The following FHIT variants were observed in gnomAD, a reference collection of about 807,000 sequenced individuals.
FHIT encodes bis(5'-adenosyl)-triphosphatase.
In FHIT, 19 loss-of-function variants were observed where a neutral mutation model predicts 17.9. The observed-to-expected ratio is 1.06, with a 90% CI of 0.74 to 1.56. The LOEUF (loss-of-function observed/expected upper bound fraction) is 1.56. Ranked by LOEUF, FHIT falls within the 40% of genes most tolerant of loss-of-function variation. FHIT has a pLI of 0.00. For missense variants in FHIT, 248 were observed against 189.2 expected (o/e 1.31, Z -1.82); for synonymous variants, 81 against 69.7 (o/e 1.16, Z -0.81).
At chr3:59,796,415 T>A (rs562793535) in intron 8 of FHIT, among the ~76,000 whole-genome samples, 4 of 152,090 alleles carry the variant, frequency 2.6e-5, no homozygotes, top group Non-Finnish European at 4.4e-5. Flanking sequence ...TGTTTCCAGG[T>A]TTTTCATGTA....
chr3:60,306,367 T>A (rs1243223637), intron 5 of FHIT, among the ~76,000 whole-genome samples: 1 of 152,122 alleles, frequency 6.6e-6, no homozygotes, highest in Non-Finnish European at 1.5e-5. Flanking sequence ...TTGAGGAAAC[T>A]AAAGGTAAAA....
At chr3:60,776,258 C>T (rs1182291140) in intron 4 of FHIT, among the ~76,000 whole-genome samples, 1 of 152,118 alleles carries the variant, frequency 6.6e-6, no homozygotes, top group African/African-American at 2.4e-5. Context: ...TCTTAAAGGG[C>T]CCCACCCAGC....
At chr3:60,699,597 C>T (rs766938217) in intron 4 of FHIT, among the ~76,000 whole-genome samples, 9 of 145,410 alleles carry the variant, frequency 6.2e-5, no homozygotes, top group Non-Finnish European at 1.3e-4. Flanking sequence ...AAAGCATTAT[C>T]GTTAGTGGGT....
At chr3:60,673,202 A>C (rs2107846233) in intron 4 of FHIT, among the ~76,000 whole-genome samples, 1 of 152,168 alleles carries the variant, frequency 6.6e-6, no homozygotes, top group East Asian at 1.9e-4. Context: ...CCTTCCTGTT[A>C]ATCTGTTTCC....
chr3:60,876,719 A>T (rs1553756612), intron 3 of FHIT, among the ~76,000 whole-genome samples: 1 of 152,194 alleles, frequency 6.6e-6, no homozygotes, highest in African/African-American at 2.4e-5. Context: ...AGTTTAGGGG[A>T]GCAACATCAG....
Position 60,011,405 on chromosome 3 carries a change from A to G in FHIT, c.250-5T>C. On this transcript the variant is annotated splice_polypyrimidine_tract_variant and splice_region_variant and intron_variant, in intron 6 of 9. Coordinates refer to ENST00000492590, the MANE Select transcript of FHIT (RefSeq NM_002012.4). Reference sequence around the variant, plus strand: ...CTGTCCGGCTTCGGGGCCATCCTAGAAGTAGGAAAAAACCAACAGAGGTGA... The same window carrying G: ...CTGTCCGGCTTCGGGGCCATCCTAGGAGTAGGAAAAAACCAACAGAGGTGA... 6.2e-7 allele frequency: 1 copy of G among 1,613,328 alleles called. No individual in the cohort carries two copies. Among genetic ancestry groups the G allele is most frequent in the African/African-American group, 1.3e-5 (1 of 75,030 alleles).
At chr3:61,209,181 G>T (rs1175819563) in intron 1 of FHIT, among the ~76,000 whole-genome samples, 2 of 152,292 alleles carry the variant, frequency 1.3e-5, no homozygotes, top group Non-Finnish European at 2.9e-5. Flanking sequence ...TCTGCCGAGA[G>T]ATCCGCTGTT....
At chr3:60,502,121 G>T (rs1234540627) in intron 5 of FHIT, among the ~76,000 whole-genome samples, 1 of 152,194 alleles carries the variant, frequency 6.6e-6, no homozygotes, top group Non-Finnish European at 1.5e-5. Flanking sequence ...AGTACAAAAA[G>T]TGATAGTAGT....
intron 7 of FHIT, among the ~76,000 whole-genome samples, chr3:59,947,192 T>C (rs1194899739): frequency 6.6e-6 from 1 of 152,218 alleles, no homozygotes; most frequent in African/African-American, 2.4e-5. Context: ...ATTTTGGAAA[T>C]GTTATTGGTC....
chr3:60,912,649 C>G (rs892120725), intron 3 of FHIT: 1 of 398,004 alleles, frequency 2.5e-6, no homozygotes, highest in Non-Finnish European at 4.8e-6. Flanking sequence ...AGTTAATCAT[C>G]AGAGATAACT....
chr3:60,159,423 T>C (rs185057737), intron 5 of FHIT, among the ~76,000 whole-genome samples: 3 of 152,304 alleles, frequency 2.0e-5, no homozygotes, highest in East Asian at 1.9e-4. Context: ...GCCCAGCCGA[T>C]GTGTGTTTTT....
rs576140955 is a variant in FHIT at position 60,815,441 on chromosome 3, A to G, written c.-18+6478T>C. On this transcript the variant is annotated intron_variant, in intron 4 of 9. Coordinates refer to ENST00000492590, the MANE Select transcript of FHIT (RefSeq NM_002012.4). ...TGGTGAAATGTAGGGGTCCAGTTTC[A>G]TTCTTCTGTATATGGCTAGCCAGTT... Among the ~76,000 whole-genome samples, 13 of 152,226 alleles carry G rather than the reference A, an allele frequency of 8.5e-5. 1 individual carries two copies. In the East Asian group the frequency reaches 2.5e-3, roughly 29 times the overall value.
rs368662201 is a variant in FHIT at position 60,782,836 on chromosome 3, C to T, written c.-18+39083G>A. Among the ~76,000 whole-genome samples the T allele has an allele frequency of 3.9e-5, 6 of 152,232 alleles. No individual in the cohort carries two copies. In the South Asian group the frequency reaches 8.3e-4, roughly 21 times the overall value. On this transcript the variant is annotated intron_variant, in intron 4 of 9. Transcript: ENST00000492590. ...CATTGTTTCTGTATCCTCACGTGGA[C>T]GAAGGCAGAAGGGTAAACAGGCATA... is the stretch of plus-strand genomic sequence containing the variant.
intron 5 of FHIT, among the ~76,000 whole-genome samples, chr3:60,284,368 T>A (rs1707615078): frequency 1.3e-5 from 2 of 152,080 alleles, no homozygotes; most frequent in Admixed American, 6.6e-5. Flanking sequence ...CTGAACACAG[T>A]TCCAAACATA....
At chr3:59,849,493 A>G (rs923124617) in intron 8 of FHIT, among the ~76,000 whole-genome samples, 1 of 152,190 alleles carries the variant, frequency 6.6e-6, no homozygotes, top group African/African-American at 2.4e-5. Context: ...CAAGACTTCA[A>G]TCCGATTGGT....
chr3:61,169,959 T>TA (rs1338271406), intron 2 of FHIT, among the ~76,000 whole-genome samples: 1 of 152,106 alleles, frequency 6.6e-6, no homozygotes, highest in Admixed American at 6.6e-5. Flanking sequence ...GCCAATGACT[T>TA]AGACATCAAG....
At chr3:60,591,295 C>T (rs1301952374) in intron 4 of FHIT, among the ~76,000 whole-genome samples, 3 of 148,292 alleles carry the variant, frequency 2.0e-5, no homozygotes, top group African/African-American at 4.9e-5. Flanking sequence ...TAAACTACAG[C>T]ATGACCCTCT....
At chr3:60,504,438 A>G (rs553916610) in intron 5 of FHIT, among the ~76,000 whole-genome samples, 2 of 152,232 alleles carry the variant, frequency 1.3e-5, no homozygotes, top group Admixed American at 1.3e-4. Flanking sequence ...CTCAAAAAAA[A>G]AAAAATTTTT....
At chr3:59,987,371 T>A (rs958968101) in intron 7 of FHIT, among the ~76,000 whole-genome samples, 1 of 151,830 alleles carries the variant, frequency 6.6e-6, no homozygotes, top group South Asian at 2.1e-4. Flanking sequence ...GTTCATCGTG[T>A]GTGTCTCATG....
Sources: gnomAD v4.1 joint callset for allele counts (sites outside exome capture counted in the v4.1 genomes callset) on GRCh38, gnomAD v4.1.1 for gene constraint, MANE v1.5 for transcripts, NCBI Gene and HGNC (gene_info 2026-07-23, HGNC 2026-07-21) for gene names.